PTPRF: variants seen among roughly 807,000 people sequenced by gnomAD.
PTPRF encodes the protein receptor-type tyrosine-protein phosphatase F.
In PTPRF, 59 loss-of-function variants were observed where a neutral mutation model predicts 201.8. The ratio of observed to expected loss-of-function variants is 0.29; its 90% CI spans 0.24 to 0.36. The LOEUF (loss-of-function observed/expected upper bound fraction) is 0.36. PTPRF is among the 10% of genes least tolerant of loss of function. The pLI is 1.00. For synonymous variants in PTPRF, 1,088 were observed against 1,089.7 expected, an observed-to-expected ratio of 1.00 and a Z score of 0.03; for missense variants, 2,132 against 2,690.5, an observed-to-expected ratio of 0.79 and a Z score of 4.59.
chr1:43,567,358 C>T (rs1026737779), intron 5 of PTPRF, among the ~76,000 whole-genome samples: 3 of 152,208 alleles, frequency 2.0e-5, no homozygotes, highest in Admixed American at 2.0e-4. Context: ...CTTCTCTTGC[C>T]ACTGTTGAAC....
At chr1:43,525,634 G>A (rs758179031), upstream of PTPRF, among the ~76,000 whole-genome samples, 1 of 151,704 alleles carries the variant, frequency 6.6e-6, no homozygotes, top group South Asian at 2.1e-4. Context: ...GTGAAACCCC[G>A]TCTCTACTAA....
upstream of PTPRF, among the ~76,000 whole-genome samples, chr1:43,526,845 AC>A (rs1300897136): frequency 6.6e-6 from 1 of 152,154 alleles, no homozygotes; most frequent in Non-Finnish European, 1.5e-5. Flanking sequence ...TGTGACTGTG[AC>A]CACTGATGTC....
At position 43,567,085 on chromosome 1, in the gene PTPRF, G is replaced by A. The variant is rs547353076; in HGVS notation, c.380-2505G>A. Among the ~76,000 whole-genome samples, 6 of 152,256 alleles carry A rather than the reference G, an allele frequency of 3.9e-5. No individual in the cohort carries two copies. In the East Asian group the frequency reaches 1.2e-3, roughly 29 times the overall value. ...TGGAGATGAAGGCCACTTGACTCCT[G>A]GGCCCTGACTCTGGCAGGCCATGGC... On this transcript the variant is annotated intron_variant, in intron 5 of 33. Coordinates refer to ENST00000359947, the MANE Select transcript of PTPRF (RefSeq NM_002840.5).
At chr1:43,609,243 G>A (rs899190802) in intron 21 of PTPRF, 140 bp from the exon 22 acceptor site, 6 of 664,076 alleles carry the variant, frequency 9.0e-6, no homozygotes, top group African/African-American at 7.2e-5. Flanking sequence ...GCTCCTCCGC[G>A]CTCAGAGATC....
chr1:43,536,631 G>A (rs1358150880), intron 1 of PTPRF, among the ~76,000 whole-genome samples: 1 of 152,266 alleles, frequency 6.6e-6, no homozygotes, highest in East Asian at 1.9e-4. Context: ...AATACTGTGA[G>A]GCCCTGCGGG....
intron 3 of PTPRF, among the ~76,000 whole-genome samples, chr1:43,550,075 G>A (rs1644922286): frequency 6.6e-6 from 1 of 151,822 alleles, no homozygotes; most frequent in African/African-American, 2.4e-5. Flanking sequence ...GGGAAGCGGA[G>A]GGCGAGGCCT....
chr1:43,554,032 A>G lies in PTPRF; in HGVS notation c.379+91A>G, dbSNP rs1054762301. ...CTGATCCTGTCCTGGGCCCATGTGCATTTGGCAGAAAGGAGGACTGGCCAC... is the reference window on the plus strand; with the variant it reads ...CTGATCCTGTCCTGGGCCCATGTGCGTTTGGCAGAAAGGAGGACTGGCCAC... On this transcript the variant is annotated intron_variant, in intron 5 of 33. Transcript: ENST00000359947. The surrounding 1 kb of genome is among the most constrained non-coding windows in gnomAD (Gnocchi z 4.1). The G allele has an allele frequency of 1.3e-6, 2 of 1,525,276 alleles. No homozygotes were observed. The highest frequency in any genetic ancestry group is 1.3e-5 in the South Asian group (1 of 79,340). The allele number at this position is 1,525,276 out of a possible 1,614,324, so 94.5% of individuals were successfully genotyped here. A position where few individuals can be genotyped will look rare whatever the true frequency, so the allele number is the denominator to read the frequency against.
At chr1:43,595,083 T>G (rs956670670) in intron 11 of PTPRF, among the ~76,000 whole-genome samples, 1 of 152,100 alleles carries the variant, frequency 6.6e-6, no homozygotes, top group Non-Finnish European at 1.5e-5. Context: ...ATGAGGCCTG[T>G]GTGGGTGCTG....
At chr1:43,613,456 C>T (rs907726456) in intron 22 of PTPRF, 162 bp from the exon 23 acceptor site, 25 of 665,820 alleles carry the variant, frequency 3.8e-5, no homozygotes, top group African/African-American at 7.1e-5. Flanking sequence ...TCCCACCCTC[C>T]GCCATCCCTG....
intron 11 of PTPRF, among the ~76,000 whole-genome samples, chr1:43,592,886 CCTCAT>C (rs1651205220): frequency 6.6e-6 from 1 of 152,138 alleles, no homozygotes; most frequent in South Asian, 2.1e-4. Context: ...TGTGTCTGTG[CCTCAT>C]CTCCGCCCCC....
At chr1:43,536,554 C>T (rs777010119) in intron 1 of PTPRF, among the ~76,000 whole-genome samples, 44 of 152,288 alleles carry the variant, frequency 2.9e-4, no homozygotes, top group Non-Finnish European at 6.0e-4. Flanking sequence ...TTACCCAGTT[C>T]CCTGCCTTGG....
At chr1:43,529,025 T>A (rs947610481), upstream of PTPRF, among the ~76,000 whole-genome samples, 5 of 152,190 alleles carry the variant, frequency 3.3e-5, no homozygotes, top group Non-Finnish European at 7.3e-5. Context: ...GGAAAAGAAC[T>A]GTTTTAATAA....
Position 43,605,590 on chromosome 1 carries a change from T to C in PTPRF, c.3451T>C (p.Trp1151Arg), listed in dbSNP as rs1429515335. The C allele has an allele frequency of 7.4e-6, 12 of 1,614,014 alleles. No homozygotes were observed. In the South Asian group the frequency reaches 1.1e-4, roughly 15 times the overall value. ...GGGCGGGAGCATGCTGACGCCAAGG[T>C]GGAGCACACCCGAGGAACTGGAGCT... Reference protein sequence around the residue: ...RVGGSMLTPRWSTPEELELDE... With the variant: ...RVGGSMLTPRRSTPEELELDE... The change falls in exon 19 of 34, where the codon TGG (tryptophan) becomes CGG (arginine). Residue 1151 changes from tryptophan to arginine, a missense_variant. Physicochemically the swap from Trp to Arg is moderately radical, Grantham distance 101 (BLOSUM62 -3). Coordinates refer to ENST00000359947, the MANE Select transcript of PTPRF (RefSeq NM_002840.5).
chr1:43,579,102 C>T (rs1431451525), intron 7 of PTPRF, 182 bp downstream of exon 7: 8 of 722,300 alleles, frequency 1.1e-5, no homozygotes, highest in Non-Finnish European at 1.5e-5. Context: ...CTGGCGTCTG[C>T]CACTACTTCG....
At chr1:43,621,384 T>C (rs1036352175) in intron 33 of PTPRF, 152 bp downstream of exon 33, 54 of 1,127,098 alleles carry the variant, frequency 4.8e-5, no homozygotes, top group Non-Finnish European at 6.4e-5. Flanking sequence ...GGTGTGTGCT[T>C]ATGGTCCTAC....
intron 5 of PTPRF, among the ~76,000 whole-genome samples, chr1:43,556,354 C>T (rs1454837969): frequency 1.3e-5 from 2 of 150,978 alleles, no homozygotes; most frequent in South Asian, 2.1e-4. Flanking sequence ...CTCCACCTCC[C>T]GAGTTCAAGT....
At chr1:43,620,360 T>A in intron 30 of PTPRF, 94 bp from the exon 31 acceptor site, 1 of 1,519,312 alleles carries the variant, frequency 6.6e-7, no homozygotes. Context: ...CCGTTATTAC[T>A]ACCTGAGGCA....
At chr1:43,584,280 C>T (rs926898752) in intron 7 of PTPRF, among the ~76,000 whole-genome samples, 4 of 152,190 alleles carry the variant, frequency 2.6e-5, no homozygotes, top group African/African-American at 9.7e-5. Flanking sequence ...CATCCTCGTT[C>T]CCTCTGCCAC....
chr1:43,540,436 G>A (rs999026368), intron 2 of PTPRF, among the ~76,000 whole-genome samples: 3 of 152,152 alleles, frequency 2.0e-5, no homozygotes, highest in Non-Finnish European at 4.4e-5. Context: ...TAGACAGAAC[G>A]GCAGGTACAG....
Sources: gnomAD v4.1 joint callset for allele counts (sites outside exome capture counted in the v4.1 genomes callset) on GRCh38, gnomAD v4.1.1 for gene constraint, Gnocchi (gnomAD v3.1) non-coding constraint, MANE v1.5 for transcripts, NCBI Gene and HGNC (gene_info 2026-07-23, HGNC 2026-07-21) for gene names.